TRERF1: variants seen among roughly 807,000 people sequenced by gnomAD.
TRERF1 encodes the protein transcriptional regulating factor 1.
A neutral mutation model predicts 122.9 loss-of-function variants in TRERF1; 27 were observed. That is an observed-to-expected ratio of 0.22 (90% confidence interval 0.16 to 0.30). The LOEUF is 0.30. TRERF1 is among the 10% of genes least tolerant of loss of function. TRERF1 has a pLI of 1.00. For synonymous variants in TRERF1, 636 were observed against 641.7 expected (o/e 0.99, Z 0.13); for missense variants, 1,248 against 1,560.3 (o/e 0.80, Z 3.37).
At chr6:42,314,073 G>C (rs554182850) in intron 3 of TRERF1, among the ~76,000 whole-genome samples, 14 of 152,086 alleles carry the variant, frequency 9.2e-5, no homozygotes, top group African/African-American at 3.4e-4. Context: ...TATCAGGCAC[G>C]CCCCTTTCTG....
intron 3 of TRERF1, among the ~76,000 whole-genome samples, chr6:42,362,464 A>T (rs1437348763): frequency 1.3e-5 from 2 of 152,164 alleles, no homozygotes; most frequent in South Asian, 2.1e-4. Flanking sequence ...CAAACTACTG[A>T]CCCTTGAAAC....
chr6:42,346,722 A>AAAACCAGGACAGTCCCAAGC (rs1234197481), intron 3 of TRERF1, among the ~76,000 whole-genome samples: 3 of 152,192 alleles, frequency 2.0e-5, no homozygotes, highest in East Asian at 3.8e-4. Context: ...CTTTCATACT[A>AAAACCAGGACAGTCCCAAGC]AAACCAGGAC....
intron 17 of TRERF1, among the ~76,000 whole-genome samples, chr6:42,231,695 C>A (rs1431456942): frequency 2.0e-5 from 3 of 152,206 alleles, no homozygotes; most frequent in Non-Finnish European, 2.9e-5. Context: ...GAGAAGTACA[C>A]TGGAATTCTC....
chr6:42,238,992 C>G (rs762563898), intron 15 of TRERF1, among the ~76,000 whole-genome samples: 1 of 152,148 alleles, frequency 6.6e-6, no homozygotes, highest in Non-Finnish European at 1.5e-5. Context: ...AGATTCAAAA[C>G]CTGGCCTATC....
rs541234091 is a variant in TRERF1 at position 42,230,514 on chromosome 6, G to C, written c.3279-1845C>G. 2.6e-5 allele frequency among the ~76,000 whole-genome samples: 4 copies of C among 152,120 alleles called. No homozygotes were observed. In the East Asian group the frequency reaches 7.7e-4, roughly 29 times the overall value. On this transcript the variant is annotated intron_variant, in intron 17 of 17. Coordinates refer to ENST00000372922, the Ensembl canonical transcript of TRERF1. Reference sequence around the variant, plus strand: ...TGAGTGGGTGGTGCTAGCTCCTCTGGGGGAAAACTGGCAAGACCCTGATAC... The same window carrying C: ...TGAGTGGGTGGTGCTAGCTCCTCTGCGGGAAAACTGGCAAGACCCTGATAC...
chr6:42,425,011 T>C (rs1355656234), intron 2 of TRERF1, among the ~76,000 whole-genome samples: 1 of 152,188 alleles, frequency 6.6e-6, no homozygotes, highest in African/African-American at 2.4e-5. Context: ...CTTCAAGTTC[T>C]GACCTGATTT....
intron 9 of TRERF1, 120 bp from the exon 10 acceptor site, chr6:42,258,321 A>G: frequency 3.5e-6 from 3 of 846,940 alleles, no homozygotes; most frequent in Non-Finnish European, 5.7e-6. Context: ...AGCTCCTGCC[A>G]GAGTTATCCT....
At chr6:42,265,521 G>A (rs533228948) in intron 6 of TRERF1, among the ~76,000 whole-genome samples, 1 of 152,258 alleles carries the variant, frequency 6.6e-6, no homozygotes, top group African/African-American at 2.4e-5. Context: ...CAATTATTGA[G>A]TGCTTACTGA....
intron 1 of TRERF1, among the ~76,000 whole-genome samples, 44 bp downstream of exon 1, chr6:42,451,629 CT>C (rs765717295): frequency 4.6e-4 from 69 of 150,722 alleles, no homozygotes; most frequent in Non-Finnish European, 8.9e-4. Flanking sequence ...ACATGCACCC[CT>C]CCCTCTCCTC....
chr6:42,409,687 C>A (rs1780823293), intron 2 of TRERF1, among the ~76,000 whole-genome samples: 1 of 152,100 alleles, frequency 6.6e-6, no homozygotes, highest in Non-Finnish European at 1.5e-5. Context: ...TTCCCTATAC[C>A]AATCCCTCTA....
At chr6:42,391,450 A>G (rs1193182151) in intron 2 of TRERF1, among the ~76,000 whole-genome samples, 2 of 152,124 alleles carry the variant, frequency 1.3e-5, no homozygotes, top group Non-Finnish European at 2.9e-5. Flanking sequence ...GCCGGGGGGA[A>G]CAATTCTGGG....
At chr6:42,411,626 A>G (rs547903467) in intron 2 of TRERF1, among the ~76,000 whole-genome samples, 2 of 152,224 alleles carry the variant, frequency 1.3e-5, no homozygotes, top group Non-Finnish European at 2.9e-5. Flanking sequence ...CTCAGACCAG[A>G]CATGACTATA....
At position 42,424,410 on chromosome 6, in the gene TRERF1, C is replaced by A. The variant is rs139826807; in HGVS notation, c.-454+26767G>T. 2.2e-4 allele frequency among the ~76,000 whole-genome samples: 33 copies of A among 152,264 alleles called. No homozygotes were observed. The East Asian group carries it at 5.8e-3, about 27-fold the overall frequency. Reference sequence around the variant, plus strand: ...GAAAATTCTACACTTGACCTCAGTCCATGACATGTTGCATCAACTGAGGTC... The same window carrying A: ...GAAAATTCTACACTTGACCTCAGTCAATGACATGTTGCATCAACTGAGGTC... On this transcript the variant is annotated intron_variant, in intron 2 of 17. Coordinates refer to ENST00000372922, the Ensembl canonical transcript of TRERF1.
At chr6:42,233,053 T>C in intron 16 of TRERF1, 125 bp from the exon 17 acceptor site, 1 of 1,008,272 alleles carries the variant, frequency 9.9e-7, no homozygotes, top group Non-Finnish European at 1.4e-6. Flanking sequence ...AAGGTAAAGA[T>C]CAAATACCAC....
chr6:42,373,261 G>A (rs11969583), intron 2 of TRERF1, among the ~76,000 whole-genome samples: 2,342 of 152,288 alleles, frequency 0.015, 21 homozygotes, highest in Middle Eastern at 0.024. Context: ...GGCTGGGTGC[G>A]GTGGCTCACG....
intron 14 of TRERF1, among the ~76,000 whole-genome samples, chr6:42,243,594 T>C (rs925500726): frequency 9.2e-5 from 14 of 151,968 alleles, no homozygotes; most frequent in Admixed American, 6.5e-4. Context: ...TTTTTTTTTT[T>C]TTTTGAGACG....
chr6:42,330,061 C>T (rs141252620), intron 3 of TRERF1, among the ~76,000 whole-genome samples: 1,720 of 151,912 alleles, frequency 0.011, 30 homozygotes, highest in African/African-American at 0.037. Context: ...GTCAACAAAA[C>T]GAAAAAATTA....
intron 9 of TRERF1, among the ~76,000 whole-genome samples, chr6:42,258,591 T>G (rs899537995): frequency 2.0e-5 from 3 of 152,272 alleles, no homozygotes; most frequent in African/African-American, 7.2e-5. Context: ...TTTCTTTTTT[T>G]TGAGACGGAG....
At chr6:42,282,375 C>T (rs371934855) in intron 4 of TRERF1, among the ~76,000 whole-genome samples, 1 of 152,170 alleles carries the variant, frequency 6.6e-6, no homozygotes, top group African/African-American at 2.4e-5. Flanking sequence ...TGGGGAAACC[C>T]TGTCTCTACA....
Sources: allele counts gnomAD v4.1 joint callset (sites outside exome capture counted in the v4.1 genomes callset), GRCh38; gene constraint gnomAD v4.1.1; transcripts MANE v1.5; gene names NCBI Gene and HGNC (gene_info 2026-07-23, HGNC 2026-07-21).